The following SMAP1 variants were observed in gnomAD, a reference collection of about 807,000 sequenced individuals.
The protein encoded by SMAP1 is stromal membrane-associated protein 1.
In SMAP1, 24 loss-of-function variants were observed where a neutral mutation model predicts 58.5. That is an observed-to-expected ratio of 0.41 (90% CI 0.30 to 0.58). SMAP1 has a LOEUF of 0.58. Ranked by LOEUF, SMAP1 falls within the 20% of genes least tolerant of loss-of-function variation. The pLI, the probability that SMAP1 is intolerant of heterozygous loss-of-function variation, is 0.29. For synonymous variants in SMAP1, 216 were observed against 196.6 expected, an observed-to-expected ratio of 1.10 and a Z score of -0.82; for missense variants, 563 against 566.3, an observed-to-expected ratio of 0.99 and a Z score of 0.06.
intron 1 of SMAP1, among the ~76,000 whole-genome samples, chr6:70,704,479 A>G (rs1295565126): frequency 2.0e-5 from 3 of 152,170 alleles, no homozygotes; most frequent in African/African-American, 4.8e-5. Context: ...AAATGGTTAT[A>G]TTCTGCAGCA....
At chr6:70,735,000 A>C (rs1380399814) in intron 2 of SMAP1, 2 of 153,182 alleles carry the variant, frequency 1.3e-5, no homozygotes, top group Non-Finnish European at 2.9e-5. Context: ...GAGAAGACTC[A>C]GATGATACTG....
At chr6:70,808,458 CT>C (rs1176169697) in intron 6 of SMAP1, among the ~76,000 whole-genome samples, 2 of 152,204 alleles carry the variant, frequency 1.3e-5, no homozygotes, top group Non-Finnish European at 2.9e-5. Flanking sequence ...TATTGAGACA[CT>C]TCCTTCCCCA....
At chr6:70,781,051 TTAATTATAAGAGTTTA>T (rs1271455429) in intron 4 of SMAP1, among the ~76,000 whole-genome samples, 1 of 152,198 alleles carries the variant, frequency 6.6e-6, no homozygotes. Context: ...ATACTCAAAC[TTAATTATAAGAGTTTA>T]TATCATTGGA....
chr6:70,773,006 T>G (rs1582156794), intron 3 of SMAP1: 1 of 239,998 alleles, frequency 4.2e-6, no homozygotes, highest in Non-Finnish European at 8.0e-6. Context: ...AGATGTTAAT[T>G]TCTTATACCA....
chr6:70,763,374 T>C (rs1380710628), intron 3 of SMAP1, among the ~76,000 whole-genome samples: 1 of 152,088 alleles, frequency 6.6e-6, no homozygotes, highest in Non-Finnish European at 1.5e-5. Flanking sequence ...ATAACAAAAT[T>C]ATAACATAAA....
chr6:70,723,068 T>G (rs140100407), intron 1 of SMAP1, among the ~76,000 whole-genome samples: 1 of 152,320 alleles, frequency 6.6e-6, no homozygotes, highest in East Asian at 1.9e-4. Flanking sequence ...TTTTATTATA[T>G]TTTATAGGGA....
In SMAP1 at chr6:70,712,043, A is replaced by G. The variant is rs961071712; in HGVS notation, c.119-20335A>G. On this transcript the variant is annotated intron_variant, in intron 1 of 10. Coordinates refer to ENST00000370455, the MANE Select transcript of SMAP1 (RefSeq NM_001044305.3). ...GAAAAGCTTTCAGTTTCTCCCCCAC[A>G]GATTATTATGTTTGCTTTGAGTTTT... Among the ~76,000 whole-genome samples, 7 of 152,176 alleles carry G rather than the reference A, an allele frequency of 4.6e-5. No homozygotes were observed. The East Asian group carries it at 9.6e-4, about 21-fold the overall frequency.
At chr6:70,766,441 A>G (rs1294035827) in intron 3 of SMAP1, among the ~76,000 whole-genome samples, 3 of 152,148 alleles carry the variant, frequency 2.0e-5, no homozygotes, top group Non-Finnish European at 4.4e-5. Flanking sequence ...TGCCATTCTA[A>G]CTGGTGTGAG....
chr6:70,755,666 G>A (rs1006515517), intron 3 of SMAP1, among the ~76,000 whole-genome samples: 1 of 151,924 alleles, frequency 6.6e-6, no homozygotes, highest in African/African-American at 2.4e-5. Flanking sequence ...GGGCATCTCT[G>A]TTACTAAGTG....
chr6:70,776,851 A>T (rs1489791565), intron 4 of SMAP1, among the ~76,000 whole-genome samples: 2 of 152,318 alleles, frequency 1.3e-5, no homozygotes, highest in Middle Eastern at 3.4e-3. Flanking sequence ...ATAGTATTCC[A>T]TTGTGTATAT....
At chr6:70,819,602 AC>A (rs1323460653) in intron 6 of SMAP1, among the ~76,000 whole-genome samples, 2 of 152,276 alleles carry the variant, frequency 1.3e-5, no homozygotes, top group Non-Finnish European at 2.9e-5. Context: ...TTGAAAATAT[AC>A]AGGAAAATTA....
At chr6:70,747,307 A>T (rs1418070447) in intron 2 of SMAP1, among the ~76,000 whole-genome samples, 1 of 152,218 alleles carries the variant, frequency 6.6e-6, no homozygotes, top group Admixed American at 6.5e-5. Flanking sequence ...AACGCATACC[A>T]CAATGTGCTG....
intron 1 of SMAP1, among the ~76,000 whole-genome samples, chr6:70,684,211 G>A (rs141803289): frequency 7.1e-4 from 108 of 152,276 alleles, no homozygotes; most frequent in African/African-American, 2.5e-3. Flanking sequence ...GTGTTAACTA[G>A]GAACAAATGG....
chr6:70,786,253 C>A lies in SMAP1; in HGVS notation c.415-5436C>A, dbSNP rs1378431602. Among the ~76,000 whole-genome samples the A allele has an allele frequency of 4.5e-4, 67 of 148,200 alleles. 1 individual carries two copies. Among genetic ancestry groups the A allele is most frequent in the Admixed American group, 5.4e-4 (8 of 14,694 alleles). On this transcript the variant is annotated intron_variant, in intron 4 of 10. Transcript: ENST00000370455. ...AAAGGCCTTTGACAAAATTCAACAA[C>A]CCTTCATGCTAAAAACTCTCAATAA...
In SMAP1 at chr6:70,861,466, T is replaced by G; in HGVS notation, c.*1132T>G. ...ATGCAGAACAAATGAAGACAAAACA[T>G]ACATTTTGTACCAACCATCCAATTA... is the stretch of plus-strand genomic sequence containing the variant. On this transcript the variant is annotated 3_prime_UTR_variant, in exon 11 of 11. Transcript: ENST00000370455. The G allele has an allele frequency of 1.7e-6, 1 of 575,138 alleles. No individual in the cohort carries two copies. The highest frequency in any genetic ancestry group is 2.4e-5 in the South Asian group (1 of 42,300). The allele number at this position is 575,138 out of a possible 1,614,324, so 35.6% of individuals were successfully genotyped here. A position where few individuals can be genotyped will look rare whatever the true frequency, so the allele number is the denominator to read the frequency against.
chr6:70,749,232 A>G (rs1395827223), intron 2 of SMAP1, among the ~76,000 whole-genome samples: 1 of 152,184 alleles, frequency 6.6e-6, no homozygotes, highest in Non-Finnish European at 1.5e-5. Context: ...AGATCTCATG[A>G]GAACTCCCTC....
chr6:70,692,909 G>A (rs1306218616), intron 1 of SMAP1, among the ~76,000 whole-genome samples: 3 of 151,962 alleles, frequency 2.0e-5, no homozygotes, highest in African/African-American at 4.8e-5. Context: ...TCAGCCTCCC[G>A]AGTAGCTGGG....
chr6:70,828,873 A>G lies in SMAP1; in HGVS notation c.577-8068A>G, dbSNP rs537331254. ...TGGGCAAGAGTGAGGCTCTGTCTCA[A>G]ACCCCAACAGAACAAAACAAAAATT... is the stretch of plus-strand genomic sequence containing the variant. On this transcript the variant is annotated intron_variant, in intron 6 of 10. Transcript: ENST00000370455. Among the ~76,000 whole-genome samples, 9 of 152,214 alleles carry G rather than the reference A, an allele frequency of 5.9e-5. No homozygotes were observed. In the South Asian group the frequency reaches 1.9e-3, roughly 32 times the overall value.
intron 6 of SMAP1, among the ~76,000 whole-genome samples, chr6:70,819,778 T>C (rs1417387302): frequency 6.6e-6 from 1 of 152,222 alleles, no homozygotes; most frequent in Non-Finnish European, 1.5e-5. Flanking sequence ...GTTGCCCACA[T>C]ATATTGTTAC....
Sources: gnomAD v4.1 joint callset for allele counts (sites outside exome capture counted in the v4.1 genomes callset) on GRCh38, gnomAD v4.1.1 for gene constraint, MANE v1.5 for transcripts, NCBI Gene and HGNC (gene_info 2026-07-23, HGNC 2026-07-21) for gene names.